SORCS2: variants seen among roughly 807,000 people sequenced by gnomAD.
The protein encoded by SORCS2 is VPS10 domain-containing receptor SorCS2.
Under a neutral mutation model 141.6 loss-of-function variants are expected in SORCS2, and 100 were observed. The ratio of observed to expected loss-of-function variants is 0.71; its 90% CI spans 0.60 to 0.83. The LOEUF is 0.83. SORCS2 is among the 40% of genes least tolerant of loss of function. SORCS2 has a pLI of 0.00. For missense variants in SORCS2, 1,646 were observed against 1,560.2 expected (o/e 1.05, Z -0.93); for synonymous variants, 789 against 676.9 (o/e 1.17, Z -2.57).
intron 10 of SORCS2, among the ~76,000 whole-genome samples, chr4:7,687,329 T>C (rs903674385): frequency 6.6e-6 from 1 of 152,146 alleles, no homozygotes; most frequent in Non-Finnish European, 1.5e-5. Flanking sequence ...GTCGCCTCTG[T>C]CTTTCTGCCT....
rs978070424 is a variant in SORCS2, at chr4:7,233,602, G to C, written c.480+40476G>C. ...ACGAGGACTCAGGAATGAGGCTGGC[G>C]GTCACCGTGGAGTGCAGCGCTTCTC... On this transcript the variant is annotated intron_variant, in intron 1 of 26. Transcript: ENST00000507866. The surrounding 1 kb of genome is among the most constrained non-coding windows in gnomAD (Gnocchi z 4.5). 2.0e-5 allele frequency among the ~76,000 whole-genome samples: 3 copies of C among 152,140 alleles called. No individual in the cohort carries two copies. The highest frequency in any genetic ancestry group is 7.2e-5 in the African/African-American group (3 of 41,434).
chr4:7,707,701 A>T (rs1577099812), intron 14 of SORCS2, among the ~76,000 whole-genome samples: 1 of 152,222 alleles, frequency 6.6e-6, no homozygotes, highest in African/African-American at 2.4e-5. Flanking sequence ...GTGCGTCCCC[A>T]GGCCACGCAC....
At chr4:7,552,698 C>T (rs183681098) in intron 3 of SORCS2, among the ~76,000 whole-genome samples, 1 of 152,268 alleles carries the variant, frequency 6.6e-6, no homozygotes, top group African/African-American at 2.4e-5. Context: ...GGCATCTCCT[C>T]ACTCATGCAC....
chr4:7,322,703 T>G (rs1283656206), intron 1 of SORCS2, among the ~76,000 whole-genome samples: 3 of 152,194 alleles, frequency 2.0e-5, no homozygotes, highest in African/African-American at 7.2e-5. Flanking sequence ...ACACACTCCG[T>G]GGACTACAAG....
intron 3 of SORCS2, among the ~76,000 whole-genome samples, chr4:7,558,209 G>T (rs906636490): frequency 4.6e-5 from 7 of 152,200 alleles, no homozygotes; most frequent in African/African-American, 1.7e-4. Context: ...CTCCATTTGA[G>T]AAACAGATTC....
intron 20 of SORCS2, among the ~76,000 whole-genome samples, 196 bp downstream of exon 20, chr4:7,725,483 G>A (rs1009040448): frequency 1.3e-5 from 2 of 152,186 alleles, no homozygotes; most frequent in African/African-American, 4.8e-5. Context: ...TCTGCTCAAT[G>A]GTGCCAGATG....
intron 1 of SORCS2, among the ~76,000 whole-genome samples, chr4:7,216,222 A>G (rs1311748822): frequency 1.3e-5 from 2 of 152,202 alleles, no homozygotes; most frequent in African/African-American, 4.8e-5. Context: ...CAGTGAGACC[A>G]AGAACCCACC....
In SORCS2 at chr4:7,537,382, C is replaced by T. The variant is rs149723748; in HGVS notation, c.648+5753C>T. 8.1e-3 allele frequency among the ~76,000 whole-genome samples: 1,229 copies of T among 152,318 alleles called. 10 individuals carry two copies. Among genetic ancestry groups the T allele is most frequent in the South Asian group, 0.024 (116 of 4,826 alleles). On this transcript the variant is annotated intron_variant, in intron 3 of 26. Coordinates refer to ENST00000507866, the MANE Select transcript of SORCS2 (RefSeq NM_020777.3). ...CAGATCCTGACTTGGCTCCATCTACCCTGTGCCCAGGCCATCTTCGTGGTG... is the reference window on the plus strand; with the variant it reads ...CAGATCCTGACTTGGCTCCATCTACTCTGTGCCCAGGCCATCTTCGTGGTG...
chr4:7,435,058 T>A (rs568097840), intron 2 of SORCS2: 10 of 678,682 alleles, frequency 1.5e-5, no homozygotes, highest in Non-Finnish European at 2.0e-5. Flanking sequence ...GCTCTTGGAG[T>A]GCCTGGAACA....
At chr4:7,567,754 CA>C (rs1394558180) in intron 3 of SORCS2, among the ~76,000 whole-genome samples, 1 of 152,222 alleles carries the variant, frequency 6.6e-6, no homozygotes, top group Non-Finnish European at 1.5e-5. Context: ...AGAGGACCTG[CA>C]TAAATTATTT....
At chr4:7,321,344 T>A (rs1251026791) in intron 1 of SORCS2, among the ~76,000 whole-genome samples, 1 of 152,178 alleles carries the variant, frequency 6.6e-6, no homozygotes, top group African/African-American at 2.4e-5. Context: ...CACTCATTGG[T>A]TGATGGGCAC....
At chr4:7,262,327 C>CATCCATCT (rs1263068342) in intron 1 of SORCS2, among the ~76,000 whole-genome samples, 4 of 147,672 alleles carry the variant, frequency 2.7e-5, no homozygotes, top group Admixed American at 6.6e-5. Flanking sequence ...TCCATCCATC[C>CATCCATCT]ATCCATCTAT....
At chr4:7,300,086 T>A (rs1717336895) in intron 1 of SORCS2, among the ~76,000 whole-genome samples, 1 of 152,162 alleles carries the variant, frequency 6.6e-6, no homozygotes, top group Admixed American at 6.5e-5. Flanking sequence ...GCCCTCCGCC[T>A]GCTGAGGACC....
intron 3 of SORCS2, among the ~76,000 whole-genome samples, chr4:7,546,628 C>T (rs1010642167): frequency 7.2e-5 from 11 of 152,334 alleles, no homozygotes; most frequent in South Asian, 2.1e-4. Context: ...CCAAGGTCAT[C>T]GAAGGTCAGA....
intron 3 of SORCS2, among the ~76,000 whole-genome samples, chr4:7,589,113 G>A (rs530884314): frequency 1.1e-4 from 17 of 152,282 alleles, no homozygotes; most frequent in Non-Finnish European, 2.1e-4. Flanking sequence ...CAGCAGGCTC[G>A]GAGTTGGTTC....
intron 2 of SORCS2, among the ~76,000 whole-genome samples, chr4:7,508,576 G>A (rs1376066102): frequency 1.3e-5 from 2 of 152,032 alleles, no homozygotes; most frequent in African/African-American, 4.8e-5. Flanking sequence ...GACCTCAGGT[G>A]ATCCATCCAC....
chr4:7,500,715 G>A (rs900000630), intron 2 of SORCS2, among the ~76,000 whole-genome samples: 5 of 152,108 alleles, frequency 3.3e-5, no homozygotes, highest in South Asian at 2.1e-4. Context: ...CTTTTACATC[G>A]CACGTCGTCC....
intron 3 of SORCS2, among the ~76,000 whole-genome samples, chr4:7,559,194 C>T (rs979847663): frequency 2.0e-5 from 3 of 152,212 alleles, no homozygotes; most frequent in Non-Finnish European, 4.4e-5. Flanking sequence ...CTACGTGCCC[C>T]CCTCCAAGAG....
chr4:7,574,765 C>CTGACTG (rs1421303551), intron 3 of SORCS2, among the ~76,000 whole-genome samples: 1 of 152,204 alleles, frequency 6.6e-6, no homozygotes, highest in Non-Finnish European at 1.5e-5. Flanking sequence ...GGCGGCTCCT[C>CTGACTG]TGACTGCATC....
Sources: gnomAD v4.1 joint callset for allele counts (sites outside exome capture counted in the v4.1 genomes callset) on GRCh38, gnomAD v4.1.1 for gene constraint, Gnocchi (gnomAD v3.1) non-coding constraint, MANE v1.5 for transcripts, NCBI Gene and HGNC (gene_info 2026-07-23, HGNC 2026-07-21) for gene names.